Variants in OXSR1 observed in about 807,000 individuals in gnomAD.
The protein encoded by OXSR1 is oxidative stress responsive kinase 1, also known as serine/threonine-protein kinase OSR1.
In OXSR1, 24 loss-of-function variants were observed where a neutral mutation model predicts 79.8. The observed-to-expected ratio is 0.30, with a 90% CI of 0.22 to 0.42. The LOEUF is 0.42. Among genes scored for constraint, OXSR1 ranks in the 10% least tolerant of loss-of-function variants. OXSR1 has a pLI of 1.00. For missense variants in OXSR1, 430 were observed against 618.4 expected, an observed-to-expected ratio of 0.70 and a Z score of 3.23; for synonymous variants, 226 against 209.2, an observed-to-expected ratio of 1.08 and a Z score of -0.69.
chr3:38,190,891 A>G, intron 3 of OXSR1, 52 bp downstream of exon 3: 1 of 981,642 alleles, frequency 1.0e-6, no homozygotes, highest in Non-Finnish European at 1.6e-6. Context: ...AAAAGTTAGT[A>G]AAAGTTTCCT....
At chr3:38,230,592 G>T (rs749494222) in intron 10 of OXSR1, 162 bp downstream of exon 10, 176 of 588,496 alleles carry the variant, frequency 3.0e-4, no homozygotes, top group Admixed American at 5.4e-4. Flanking sequence ...AATATCTTTG[G>T]TCTACCATAT....
rs957237210 is a variant in OXSR1 at position 38,254,139 on chromosome 3, A to G, written c.*1248A>G. The G allele has an allele frequency of 5.0e-6, 2 of 398,598 alleles. No homozygotes were observed. Among genetic ancestry groups the G allele is most frequent in the East Asian group, 3.6e-5 (1 of 28,074 alleles). The allele number at this position is 398,598 out of a possible 1,614,324, so 24.7% of individuals were successfully genotyped here. A position where few individuals can be genotyped will look rare whatever the true frequency, so the allele number is the denominator to read the frequency against. On this transcript the variant is annotated 3_prime_UTR_variant, in exon 18 of 18. Transcript: ENST00000311806. ...CTAGTAACCCTACCGAGTTTTATATATGAGTGGGATACTCAATCTGGCCTT... is the reference window on the plus strand; with the variant it reads ...CTAGTAACCCTACCGAGTTTTATATGTGAGTGGGATACTCAATCTGGCCTT...
At chr3:38,219,667 ACTTT>A (rs1702549275) in intron 5 of OXSR1, among the ~76,000 whole-genome samples, 1 of 152,152 alleles carries the variant, frequency 6.6e-6, no homozygotes, top group Non-Finnish European at 1.5e-5. Flanking sequence ...CACTAAATGT[ACTTT>A]TTCCCCTTCA....
In OXSR1 at chr3:38,236,830, A is replaced by C. The variant is rs751363994; in HGVS notation, c.952-9A>C. The C allele has an allele frequency of 1.3e-6, 2 of 1,590,898 alleles. No individual in the cohort carries two copies. Among genetic ancestry groups the C allele is most frequent in the Non-Finnish European group, 1.7e-6 (2 of 1,168,250 alleles). On this transcript the variant is annotated splice_polypyrimidine_tract_variant and intron_variant, in intron 10 of 17. Transcript: ENST00000311806. ...ACCACCATAACCCACTTCTCTTTCT[A>C]ATGAGCAGGTTCGGAGAGTACCAGG...
chr3:38,234,286 T>C (rs1174324894), intron 10 of OXSR1, among the ~76,000 whole-genome samples: 1 of 152,174 alleles, frequency 6.6e-6, no homozygotes, highest in Non-Finnish European at 1.5e-5. Context: ...TGTGCTTCAA[T>C]AGACGCTGGC....
At chr3:38,181,417 G>A (rs1701784050) in intron 1 of OXSR1, among the ~76,000 whole-genome samples, 1 of 148,504 alleles carries the variant, frequency 6.7e-6, no homozygotes, top group South Asian at 2.1e-4. Flanking sequence ...GTGCAAGGGT[G>A]CAATCTCAGC....
chr3:38,177,673 C>T (rs1425617559), intron 1 of OXSR1, among the ~76,000 whole-genome samples: 3 of 152,072 alleles, frequency 2.0e-5, no homozygotes, highest in Non-Finnish European at 4.4e-5. Context: ...CAGCATTGAC[C>T]TCCTGGGCCC....
At chr3:38,200,806 A>G (rs1445596324) in intron 4 of OXSR1, among the ~76,000 whole-genome samples, 1 of 152,248 alleles carries the variant, frequency 6.6e-6, no homozygotes, top group Non-Finnish European at 1.5e-5. Context: ...CTAGGTTTCC[A>G]TAAAACACAT....
intron 6 of OXSR1, among the ~76,000 whole-genome samples, chr3:38,222,262 A>G (rs1404868211): frequency 6.6e-6 from 1 of 152,192 alleles, no homozygotes; most frequent in Admixed American, 6.6e-5. Flanking sequence ...GGATAACTGC[A>G]TGCTGTGCAG....
intron 2 of OXSR1, among the ~76,000 whole-genome samples, chr3:38,184,974 C>T (rs998405159): frequency 2.3e-5 from 2 of 88,494 alleles, no homozygotes; most frequent in African/African-American, 8.5e-5. Flanking sequence ...GATGGAGTCT[C>T]GCTCTGTCTC....
chr3:38,175,151 A>G (rs1294509696), intron 1 of OXSR1, among the ~76,000 whole-genome samples: 1 of 152,232 alleles, frequency 6.6e-6, no homozygotes, highest in Non-Finnish European at 1.5e-5. Flanking sequence ...AGTGAATGCA[A>G]AACCTTACTA....
intron 1 of OXSR1, among the ~76,000 whole-genome samples, chr3:38,167,453 G>A (rs1247675435): frequency 6.6e-6 from 1 of 152,236 alleles, no homozygotes; most frequent in Non-Finnish European, 1.5e-5. Context: ...CCAGCATCCT[G>A]CCCTAAAATT....
At chr3:38,171,135 G>A (rs934693819) in intron 1 of OXSR1, among the ~76,000 whole-genome samples, 3 of 152,066 alleles carry the variant, frequency 2.0e-5, no homozygotes, top group African/African-American at 7.2e-5. Context: ...CACCTGTCAC[G>A]TCCTTCCAGT....
chr3:38,171,495 CAT>C (rs543716372), intron 1 of OXSR1, among the ~76,000 whole-genome samples: 130 of 152,266 alleles, frequency 8.5e-4, no homozygotes, highest in African/African-American at 3.0e-3. Context: ...TGAACTGTAA[CAT>C]GTTTATTTGA....
intron 1 of OXSR1, among the ~76,000 whole-genome samples, chr3:38,181,707 A>AT (rs1701789573): frequency 6.6e-6 from 1 of 152,160 alleles, no homozygotes; most frequent in African/African-American, 2.4e-5. Flanking sequence ...CTGCTTTAAA[A>AT]TTCTTGTCAG....
At chr3:38,232,415 A>G (rs1702828992) in intron 10 of OXSR1, among the ~76,000 whole-genome samples, 1 of 151,270 alleles carries the variant, frequency 6.6e-6, no homozygotes, top group African/African-American at 2.4e-5. Flanking sequence ...ACCTGCATAT[A>G]TTTCCACCCT....
intron 8 of OXSR1, among the ~76,000 whole-genome samples, chr3:38,225,330 C>T (rs1348148893): frequency 1.3e-5 from 2 of 152,100 alleles, no homozygotes; most frequent in African/African-American, 4.8e-5. Context: ...GTCCTGATTC[C>T]TAACTTAGGG....
rs939737028 is a variant in OXSR1 at position 38,254,216 on chromosome 3, C to T, written c.*1325C>T. On this transcript the variant is annotated 3_prime_UTR_variant, in exon 18 of 18. Transcript: ENST00000311806. The stretch of plus-strand genomic sequence containing the variant: ...GGTCCCTGGAAAGGGGGAGAGTTGC[C>T]CTTTACAGAATCACTCGAGCCCTTT... 10 of 398,640 alleles carry T rather than the reference C, an allele frequency of 2.5e-5. No individual in the cohort carries two copies. The highest frequency in any genetic ancestry group is 1.4e-4 in the African/African-American group (7 of 48,570). 24.7% of individuals were successfully genotyped at this position (398,640 alleles called of 1,614,324 possible). A position where few individuals can be genotyped will look rare whatever the true frequency, so the allele number is the denominator to read the frequency against.
At chr3:38,201,144 A>G (rs1702156054) in intron 4 of OXSR1, among the ~76,000 whole-genome samples, 1 of 151,956 alleles carries the variant, frequency 6.6e-6, no homozygotes, top group African/African-American at 2.4e-5. Flanking sequence ...GGGCTCAAGC[A>G]TTCCTCCCAC....
Sources: gnomAD v4.1 joint callset for allele counts (sites outside exome capture counted in the v4.1 genomes callset) on GRCh38, gnomAD v4.1.1 for gene constraint, MANE v1.5 for transcripts, NCBI Gene and HGNC (gene_info 2026-07-23, HGNC 2026-07-21) for gene names.